The following GRAMD4 variants were observed in gnomAD, a reference collection of about 807,000 sequenced individuals.
GRAMD4 encodes GRAM domain containing 4.
In GRAMD4, 25 loss-of-function variants were observed where a neutral mutation model predicts 83.9. The observed-to-expected ratio is 0.30, with a 90% confidence interval of 0.22 to 0.42. The LOEUF (loss-of-function observed/expected upper bound fraction) is 0.42, where lower values mean the gene tolerates loss of function less well. GRAMD4 is among the 10% of genes least tolerant of loss of function. GRAMD4 has a pLI of 1.00. For synonymous variants in GRAMD4, 336 were observed against 320.9 expected, an observed-to-expected ratio of 1.05 and a Z score of -0.50; for missense variants, 593 against 788.7, an observed-to-expected ratio of 0.75 and a Z score of 2.97.
intron 3 of GRAMD4, 131 bp from the exon 4 acceptor site, chr22:46,658,056 A>G: frequency 9.3e-7 from 1 of 1,079,326 alleles, no homozygotes; most frequent in Non-Finnish European, 1.4e-6. Flanking sequence ...GAGGAAGGTC[A>G]GGTGCTCAGG....
At chr22:46,612,769 T>A (rs2081430480) in intron 1 of GRAMD4, among the ~76,000 whole-genome samples, 1 of 152,246 alleles carries the variant, frequency 6.6e-6, no homozygotes, top group Non-Finnish European at 1.5e-5. Context: ...GTGGGCCTGG[T>A]TTGTCTACAG....
downstream of GRAMD4, chr22:46,682,403 A>G (rs2082675180): frequency 1.0e-6 from 1 of 984,642 alleles, no homozygotes; most frequent in South Asian, 4.7e-5. Context: ...AAACCCCGAA[A>G]TTCACAGGTA....
chr22:46,644,338 T>TCC (rs2082034783), intron 3 of GRAMD4, among the ~76,000 whole-genome samples: 1 of 123,282 alleles, frequency 8.1e-6, no homozygotes, highest in African/African-American at 3.1e-5. Flanking sequence ...TTACACCTGT[T>TCC]TCTGTTCCGT....
At chr22:46,578,525 A>G (rs1025167806) in intron 1 of GRAMD4, among the ~76,000 whole-genome samples, 3 of 152,116 alleles carry the variant, frequency 2.0e-5, no homozygotes, top group African/African-American at 2.4e-5. Flanking sequence ...TTGGGGTTCA[A>G]AATGGGTTTA....
chr22:46,637,490 C>T (rs1175925525), intron 2 of GRAMD4, among the ~76,000 whole-genome samples: 1 of 152,150 alleles, frequency 6.6e-6, no homozygotes, highest in African/African-American at 2.4e-5. Flanking sequence ...CCACCTGCCT[C>T]GGCCTCCCAA....
At chr22:46,607,590 A>G (rs998113176) in intron 1 of GRAMD4, among the ~76,000 whole-genome samples, 1 of 152,114 alleles carries the variant, frequency 6.6e-6, no homozygotes, top group Non-Finnish European at 1.5e-5. Context: ...TCCTCCCTGG[A>G]TGCATCCTGA....
intron 1 of GRAMD4, chr22:46,587,941 A>G: frequency 1.0e-6 from 1 of 985,312 alleles, no homozygotes; most frequent in South Asian, 4.7e-5. Context: ...CACTCACATC[A>G]CAGGTTGGCA....
intron 3 of GRAMD4, among the ~76,000 whole-genome samples, chr22:46,650,626 C>T (rs370141776): frequency 5.1e-4 from 77 of 152,352 alleles, no homozygotes; most frequent in African/African-American, 1.7e-3. Context: ...GCTGGGGAGG[C>T]GTGAAGGCTG....
intron 3 of GRAMD4, among the ~76,000 whole-genome samples, chr22:46,643,148 C>T (rs1188896898): frequency 2.1e-5 from 3 of 140,578 alleles, no homozygotes; most frequent in Non-Finnish European, 4.7e-5. Flanking sequence ...TCCTTCCATC[C>T]ATCCATCCAT....
At chr22:46,648,343 T>C (rs2082101032) in intron 3 of GRAMD4, among the ~76,000 whole-genome samples, 1 of 151,014 alleles carries the variant, frequency 6.6e-6, no homozygotes, top group African/African-American at 2.4e-5. Context: ...GATGGATGGA[T>C]GGATGGATGG....
intron 3 of GRAMD4, among the ~76,000 whole-genome samples, chr22:46,652,882 C>A (rs1448452052): frequency 6.6e-6 from 1 of 152,184 alleles, no homozygotes; most frequent in African/African-American, 2.4e-5. Context: ...TCTCCTTTGT[C>A]CTGTGGAAAG....
chr22:46,608,183 C>T (rs1486138919), intron 1 of GRAMD4, among the ~76,000 whole-genome samples: 2 of 152,224 alleles, frequency 1.3e-5, no homozygotes, highest in African/African-American at 2.4e-5. Flanking sequence ...AGATGGCGAG[C>T]AGCCCCTTAG....
At chr22:46,645,655 C>T (rs1407439701) in intron 3 of GRAMD4, among the ~76,000 whole-genome samples, 1 of 152,162 alleles carries the variant, frequency 6.6e-6, no homozygotes, top group Non-Finnish European at 1.5e-5. Context: ...GCAGCCTTCT[C>T]TGATGATTAA....
chr22:46,578,099 C>A (rs2081063008), intron 1 of GRAMD4, among the ~76,000 whole-genome samples: 1 of 152,232 alleles, frequency 6.6e-6, no homozygotes, highest in Non-Finnish European at 1.5e-5. Context: ...AGAGCCAAGT[C>A]CACTTTTTCG....
At chr22:46,615,916 G>C (rs1213601065), upstream of GRAMD4, among the ~76,000 whole-genome samples, 1 of 128,492 alleles carries the variant, frequency 7.8e-6, no homozygotes, top group Non-Finnish European at 1.7e-5. Context: ...AGGTTCCCCC[G>C]TGTGTAGGTT....
At chr22:46,667,170 T>G (rs1204777249) in intron 10 of GRAMD4, among the ~76,000 whole-genome samples, 2 of 152,168 alleles carry the variant, frequency 1.3e-5, no homozygotes, top group Non-Finnish European at 2.9e-5. Context: ...TGGGGGACAT[T>G]GAGGGGCTGC....
chr22:46,651,496 C>T (rs1270875349), intron 3 of GRAMD4, among the ~76,000 whole-genome samples: 3 of 152,200 alleles, frequency 2.0e-5, no homozygotes, highest in East Asian at 1.9e-4. Flanking sequence ...TGTGACTTGG[C>T]CCCCGGCAGG....
chr22:46,589,427 C>T (rs544420669), intron 1 of GRAMD4, among the ~76,000 whole-genome samples: 70 of 125,340 alleles, frequency 5.6e-4, no homozygotes, highest in African/African-American at 1.6e-3. Flanking sequence ...TCACGTGGCC[C>T]GAGGGCAGAT....
At position 46,614,017 on chromosome 22, in the gene GRAMD4, C is replaced by T. The variant is rs571418402; in HGVS notation, c.-49-12734C>T. ...AGGAGGGATCTGGAGGCGGCTCACG[C>T]GGGTTCCCAGGAGCTGATTGATGGA... On this transcript the variant is annotated intron_variant, in intron 1 of 1. Coordinates refer to the GRAMD4 transcript ENST00000431155. 2.3e-4 allele frequency among the ~76,000 whole-genome samples: 35 copies of T among 152,324 alleles called. No individual in the cohort carries two copies. The East Asian group carries it at 2.3e-3, about 10-fold the overall frequency.
Sources: allele counts gnomAD v4.1 joint callset (sites outside exome capture counted in the v4.1 genomes callset), GRCh38; gene constraint gnomAD v4.1.1; transcripts MANE v1.5; gene names NCBI Gene and HGNC (gene_info 2026-07-23, HGNC 2026-07-21).